The following RAB3IP variants were observed in gnomAD, a reference collection of about 807,000 sequenced individuals.
RAB3IP encodes RAB3A interacting protein.
A neutral mutation model predicts 59.1 loss-of-function variants in RAB3IP; 36 were observed. That is an observed-to-expected ratio of 0.61 (90% CI 0.47 to 0.80). RAB3IP has a LOEUF of 0.80. Among genes scored for constraint, RAB3IP ranks in the 30% least tolerant of loss-of-function variants. RAB3IP has a pLI of 0.00. For missense variants in RAB3IP, 511 were observed against 536.0 expected, an observed-to-expected ratio of 0.95 and a Z score of 0.46; for synonymous variants, 207 against 191.2, an observed-to-expected ratio of 1.08 and a Z score of -0.68.
intron 8 of RAB3IP, among the ~76,000 whole-genome samples, chr12:69,805,459 T>C (rs1350596078): frequency 6.6e-6 from 1 of 152,206 alleles, no homozygotes. Flanking sequence ...CAATTTGACT[T>C]CCTCTTTTCC....
chr12:69,744,447 G>A (rs11177822), intron 1 of RAB3IP, among the ~76,000 whole-genome samples: 32,125 of 151,780 alleles, frequency 0.21, 4,118 homozygotes, highest in Middle Eastern at 0.35. Context: ...GAATTAGGCC[G>A]GGCATGGTGG....
chr12:69,757,536 T>C (rs888231770), intron 3 of RAB3IP, among the ~76,000 whole-genome samples: 9 of 152,146 alleles, frequency 5.9e-5, no homozygotes, highest in Middle Eastern at 3.2e-3. Context: ...TGGAATGATA[T>C]GAAAAACTGC....
rs1380011302 is a variant in RAB3IP at position 69,803,768 on chromosome 12, G to A, written c.1130+2047G>A. Among the ~76,000 whole-genome samples, 7 of 151,954 alleles carry A rather than the reference G, an allele frequency of 4.6e-5. No individual in the cohort carries two copies. The East Asian group carries it at 9.6e-4, about 21-fold the overall frequency. On this transcript the variant is annotated intron_variant, in intron 8 of 10. Coordinates refer to ENST00000247833, the MANE Select transcript of RAB3IP (RefSeq NM_022456.5). ...CGGTGTTTGGTTTTTTTGTCCTTGC[G>A]ATAGTTTGCTGAGAATGATGGTTTC...
At chr12:69,803,498 TTTATTA>T (rs369533192) in intron 8 of RAB3IP, among the ~76,000 whole-genome samples, 1,681 of 151,808 alleles carry the variant, frequency 0.011, 23 homozygotes, top group African/African-American at 0.038. Flanking sequence ...TTTTAATTTT[TTTATTA>T]TTATTATTAT....
intron 1 of RAB3IP, among the ~76,000 whole-genome samples, chr12:69,745,636 CATT>C (rs1337117843): frequency 4.6e-5 from 7 of 152,098 alleles, no homozygotes; most frequent in Non-Finnish European, 8.8e-5. Flanking sequence ...AGAGATTAAA[CATT>C]ATTATTCTGT....
In RAB3IP at chr12:69,812,727, G is replaced by A. The variant is rs376796878; in HGVS notation, c.1131-51G>A. The A allele has an allele frequency of 3.9e-5, 48 of 1,234,372 alleles. No homozygotes were observed. The South Asian group carries it at 6.2e-4, about 16-fold the overall frequency. 76.5% of individuals were successfully genotyped at this position (1,234,372 alleles called of 1,614,324 possible). A position where few individuals can be genotyped will look rare whatever the true frequency, so the allele number is the denominator to read the frequency against. On this transcript the variant is annotated intron_variant, in intron 8 of 10. Coordinates refer to ENST00000247833, the MANE Select transcript of RAB3IP (RefSeq NM_022456.5). ...GAATAGGCAACTTGTACAGAAGGTAGGGGCAAATGCTTTTCATTTCAAAAA... is the reference window on the plus strand; with the variant it reads ...GAATAGGCAACTTGTACAGAAGGTAAGGGCAAATGCTTTTCATTTCAAAAA...
intron 4 of RAB3IP, among the ~76,000 whole-genome samples, chr12:69,794,096 A>G (rs1273919391): frequency 6.6e-6 from 1 of 152,220 alleles, no homozygotes; most frequent in Admixed American, 6.5e-5. Context: ...GAACATATAT[A>G]GTGACCACAT....
At chr12:69,767,553 A>T (rs1051144917) in intron 3 of RAB3IP, among the ~76,000 whole-genome samples, 1 of 152,228 alleles carries the variant, frequency 6.6e-6, no homozygotes, top group African/African-American at 2.4e-5. Context: ...GTGCCTAGGC[A>T]TGGAGCTGGG....
rs71437121 is a variant in RAB3IP, at chr12:69,758,756, CTTTTTTTTT to C, written c.510+2110_510+2118del. On this transcript the variant is annotated intron_variant, in intron 3 of 10. Coordinates refer to ENST00000247833, the MANE Select transcript of RAB3IP (RefSeq NM_022456.5). ...TACATGGGCATCTGTGTGTTCATTCCTTTTTTTTTTTTTTTTTTTTTTTTTACAAGTTTT... is the reference window on the plus strand; with the variant it reads ...TACATGGGCATCTGTGTGTTCATTCCTTTTTTTTTTTTTTTTACAAGTTTT... 1.5e-3 allele frequency among the ~76,000 whole-genome samples: 73 copies of C among 48,232 alleles called. 1 individual carries two copies. The highest frequency in any genetic ancestry group is 0.025 in the Middle Eastern group (1 of 40). The allele number at this position is 48,232 out of a possible 152,430, so 31.6% of individuals were successfully genotyped here.
chr12:69,764,056 G>A (rs977311949), intron 3 of RAB3IP, among the ~76,000 whole-genome samples: 13 of 152,164 alleles, frequency 8.5e-5, no homozygotes, highest in African/African-American at 3.1e-4. Flanking sequence ...TGTGCATAGT[G>A]CTGGGATGAA....
intron 3 of RAB3IP, among the ~76,000 whole-genome samples, chr12:69,769,395 G>C (rs1414192119): frequency 6.6e-6 from 1 of 152,140 alleles, no homozygotes; most frequent in African/African-American, 2.4e-5. Flanking sequence ...CTTCAGCCAG[G>C]ATAGGGAACC....
intron 1 of RAB3IP, among the ~76,000 whole-genome samples, chr12:69,752,680 A>C (rs1043524947): frequency 3.3e-5 from 5 of 152,190 alleles, no homozygotes; most frequent in African/African-American, 1.2e-4. Context: ...TTTACGTTTT[A>C]TGATTCAGTG....
chr12:69,812,511 G>A, intron 8 of RAB3IP: 2 of 340,484 alleles, frequency 5.9e-6, no homozygotes, highest in South Asian at 1.2e-4. Context: ...GTTCCAAGAT[G>A]GGACATACAT....
chr12:69,800,654 C>T (rs1188346403), intron 7 of RAB3IP, among the ~76,000 whole-genome samples: 2 of 152,124 alleles, frequency 1.3e-5, no homozygotes, highest in Non-Finnish European at 1.5e-5. Context: ...AAGTTCTCTA[C>T]ACACTCTGTT....
intron 3 of RAB3IP, among the ~76,000 whole-genome samples, chr12:69,783,244 T>C (rs1875047547): frequency 6.6e-6 from 1 of 152,226 alleles, no homozygotes; most frequent in African/African-American, 2.4e-5. Flanking sequence ...GGAGTGTGTG[T>C]GTAGCTCCTT....
intron 2 of RAB3IP, 21 bp downstream of exon 2, chr12:69,755,680 T>G: frequency 6.3e-7 from 1 of 1,575,250 alleles, no homozygotes; most frequent in East Asian, 2.3e-5. Flanking sequence ...AGTAAATCAC[T>G]TATTTGATTT....
chr12:69,758,603 A>AAACCCCACTTCTTTG (rs1870609798), intron 3 of RAB3IP, among the ~76,000 whole-genome samples: 4 of 152,034 alleles, frequency 2.6e-5, no homozygotes, highest in African/African-American at 9.7e-5. Context: ...TAATTGTTGT[A>AAACCCCACTTCTTTG]TGTTTCACTT....
chr12:69,815,412 TG>T lies in RAB3IP; in HGVS notation c.1351del (p.Ala451GlnfsTer23). The stretch of plus-strand genomic sequence containing the variant: ...ATGCAGTTGAGAAAAGAGATGTCAT[TG>T]GCAAAGCTGGGTTATTTCAAAGAGG... ...EVMQLRKEMS[L>X]AKLGYFKEEL On this transcript the variant is annotated frameshift_variant, in exon 11 of 11. Coordinates refer to ENST00000247833, the MANE Select transcript of RAB3IP (RefSeq NM_022456.5). LOFTEE classifies it high-confidence loss of function. 6.2e-7 allele frequency: 1 copy of T among 1,613,104 alleles called. No homozygotes were observed. The highest frequency in any genetic ancestry group is 8.5e-7 in the Non-Finnish European group (1 of 1,179,124).
At chr12:69,773,049 C>A (rs989619104) in intron 3 of RAB3IP, among the ~76,000 whole-genome samples, 96 of 152,192 alleles carry the variant, frequency 6.3e-4, no homozygotes, top group African/African-American at 2.2e-3. Flanking sequence ...TGAAAGATGG[C>A]TTTGCTGGGT....
Sources: gnomAD v4.1 joint callset for allele counts (sites outside exome capture counted in the v4.1 genomes callset) on GRCh38, gnomAD v4.1.1 for gene constraint, MANE v1.5 for transcripts, NCBI Gene and HGNC (gene_info 2026-07-23, HGNC 2026-07-21) for gene names.